The following PHACTR1 variants were observed in gnomAD, a reference collection of about 807,000 sequenced individuals.
PHACTR1 encodes RPEL repeat containing 1.
PHACTR1 carries 16 observed loss-of-function variants against 69.2 expected under a neutral mutation model. The observed-to-expected ratio is 0.23, with a 90% confidence interval of 0.16 to 0.35. The LOEUF (loss-of-function observed/expected upper bound fraction) is 0.35, where lower values mean the gene tolerates loss of function less well. Ranked by LOEUF, PHACTR1 falls within the 10% of genes least tolerant of loss-of-function variation. The pLI is 1.00. For synonymous variants in PHACTR1, 312 were observed against 284.5 expected (o/e 1.10, Z -0.97); for missense variants, 510 against 734.7 (o/e 0.69, Z 3.54).
chr6:13,163,199 T>A (rs1561924412), intron 6 of PHACTR1, among the ~76,000 whole-genome samples: 1 of 152,150 alleles, frequency 6.6e-6, no homozygotes, highest in Non-Finnish European at 1.5e-5. Context: ...GAGCCAAGAT[T>A]GCACACTGTA....
intron 4 of PHACTR1, among the ~76,000 whole-genome samples, chr6:12,788,931 A>C (rs948608959): frequency 2.6e-5 from 4 of 152,258 alleles, no homozygotes; most frequent in Non-Finnish European, 4.4e-5. Context: ...TTTGAAAGGA[A>C]GGTAGGAGCT....
chr6:13,061,730 C>T (rs922770980), intron 5 of PHACTR1, among the ~76,000 whole-genome samples: 4 of 152,008 alleles, frequency 2.6e-5, no homozygotes, highest in East Asian at 1.9e-4. Context: ...CATTTTCAAT[C>T]GAGGAAAAAA....
intron 10 of PHACTR1, among the ~76,000 whole-genome samples, chr6:13,241,208 G>A (rs1236972479): frequency 6.6e-6 from 1 of 152,160 alleles, no homozygotes; most frequent in African/African-American, 2.4e-5. Context: ...AAGAGGAAAG[G>A]AGATGTTCTT....
chr6:13,201,028 G>C (rs1765165481), intron 7 of PHACTR1, among the ~76,000 whole-genome samples: 1 of 152,096 alleles, frequency 6.6e-6, no homozygotes, highest in Admixed American at 6.5e-5. Flanking sequence ...AGAGGAATGA[G>C]CATCATTGTG....
chr6:12,901,442 G>T (rs1056017975), intron 4 of PHACTR1, among the ~76,000 whole-genome samples: 10 of 152,176 alleles, frequency 6.6e-5, no homozygotes, highest in Non-Finnish European at 1.5e-4. Context: ...TGGAGGAAAG[G>T]AGGAAAGAGG....
intron 4 of PHACTR1, among the ~76,000 whole-genome samples, chr6:13,026,357 A>T (rs561292556): frequency 6.6e-4 from 101 of 152,340 alleles, no homozygotes; most frequent in Non-Finnish European, 1.2e-3. Flanking sequence ...CGGACAGGTC[A>T]TTCAGTCTCC....
At chr6:13,036,061 A>T (rs909238774) in intron 4 of PHACTR1, among the ~76,000 whole-genome samples, 1 of 152,124 alleles carries the variant, frequency 6.6e-6, no homozygotes, top group Admixed American at 6.5e-5. Flanking sequence ...TTTCTCTATT[A>T]TACAAAGGTG....
intron 5 of PHACTR1, among the ~76,000 whole-genome samples, chr6:13,060,879 C>G (rs1807582330): frequency 6.6e-6 from 1 of 152,154 alleles, no homozygotes; most frequent in Admixed American, 6.5e-5. Flanking sequence ...AAAAGGAGGA[C>G]AAGGGAGATT....
intron 5 of PHACTR1, among the ~76,000 whole-genome samples, chr6:13,104,316 G>A (rs572373462): frequency 3.9e-5 from 6 of 152,194 alleles, no homozygotes; most frequent in Non-Finnish European, 8.8e-5. Context: ...ATTTATTAAA[G>A]CAAATGTTTT....
chr6:13,220,697 A>G (rs1002337460), intron 8 of PHACTR1, among the ~76,000 whole-genome samples: 2 of 152,194 alleles, frequency 1.3e-5, no homozygotes, highest in African/African-American at 4.8e-5. Context: ...ACTATTTCCA[A>G]AAATCCTAAT....
intron 4 of PHACTR1, among the ~76,000 whole-genome samples, chr6:12,979,084 G>A (rs1383229000): frequency 6.6e-6 from 1 of 152,166 alleles, no homozygotes; most frequent in Admixed American, 6.5e-5. Flanking sequence ...AGAAGAGAGT[G>A]GCCAGGAGAC....
chr6:13,193,385 A>ATATATATATATATATATATAT (rs1561971538), intron 7 of PHACTR1, among the ~76,000 whole-genome samples: 5 of 136,560 alleles, frequency 3.7e-5, no homozygotes, highest in African/African-American at 5.3e-5. Flanking sequence ...ATATATATAT[A>ATATATATATATATATATATAT]GTTTTGGGGA....
intron 5 of PHACTR1, among the ~76,000 whole-genome samples, chr6:13,070,088 C>T (rs1469141590): frequency 6.6e-6 from 1 of 152,132 alleles, no homozygotes; most frequent in African/African-American, 2.4e-5. Flanking sequence ...AGCAGGCTTC[C>T]CCTCCAATAG....
chr6:12,928,315 T>C (rs1788493956), intron 4 of PHACTR1, among the ~76,000 whole-genome samples: 1 of 152,126 alleles, frequency 6.6e-6, no homozygotes, highest in Non-Finnish European at 1.5e-5. Context: ...GGTTGGTCCT[T>C]ATGGCAGGCT....
At chr6:13,062,495 A>C (rs1361455554) in intron 5 of PHACTR1, among the ~76,000 whole-genome samples, 1 of 152,192 alleles carries the variant, frequency 6.6e-6, no homozygotes, top group African/African-American at 2.4e-5. Flanking sequence ...ACTTCCATGG[A>C]AGCCCATGTT....
At chr6:13,233,839 C>T (rs1336966377) in intron 10 of PHACTR1, among the ~76,000 whole-genome samples, 2 of 152,186 alleles carry the variant, frequency 1.3e-5, no homozygotes, top group African/African-American at 2.4e-5. Context: ...ATTGAGATGG[C>T]CTGCATCCTT....
chr6:12,800,844 C>G (rs1773612749), intron 4 of PHACTR1, among the ~76,000 whole-genome samples: 1 of 151,778 alleles, frequency 6.6e-6, no homozygotes, highest in African/African-American at 2.4e-5. Context: ...AGCCCTGATC[C>G]TGCCACTGTA....
chr6:12,844,348 G>C (rs538545044), intron 4 of PHACTR1, among the ~76,000 whole-genome samples: 1 of 152,220 alleles, frequency 6.6e-6, no homozygotes, highest in South Asian at 2.1e-4. Context: ...AATGAGCTGT[G>C]ATCACACCAC....
intron 8 of PHACTR1, among the ~76,000 whole-genome samples, chr6:13,220,100 T>C (rs1768367296): frequency 6.6e-6 from 1 of 152,224 alleles, no homozygotes; most frequent in African/African-American, 2.4e-5. Flanking sequence ...CACGCTTTCA[T>C]AGGGCACTAA....
Sources: allele counts gnomAD v4.1 joint callset (sites outside exome capture counted in the v4.1 genomes callset), GRCh38; gene constraint gnomAD v4.1.1; transcripts MANE v1.5; gene names NCBI Gene and HGNC (gene_info 2026-07-23, HGNC 2026-07-21).